Variants in TTC1 observed in about 807,000 individuals in gnomAD.
TTC1 encodes the protein tetratricopeptide repeat domain 1, also known as tetratricopeptide repeat protein 1.
TTC1 carries 31 observed loss-of-function variants against 37.6 expected under a neutral mutation model. The ratio of observed to expected loss-of-function variants is 0.82; its 90% CI spans 0.62 to 1.11. The LOEUF is 1.11. TTC1 is among the 50% of genes most tolerant of loss of function. The pLI is 0.00. For missense variants in TTC1, 351 were observed against 339.0 expected (o/e 1.04, Z -0.28); for synonymous variants, 127 against 122.4 (o/e 1.04, Z -0.25).
chr5:160,045,524 T>TA (rs1561634990), intron 5 of TTC1, among the ~76,000 whole-genome samples: 3 of 106,480 alleles, frequency 2.8e-5, no homozygotes, highest in Admixed American at 1.1e-4. Context: ...ATACACACTC[T>TA]CTCTCTCTCT....
chr5:160,060,559 T>TTAC (rs1176871503), intron 7 of TTC1, among the ~76,000 whole-genome samples: 12 of 152,182 alleles, frequency 7.9e-5, no homozygotes, highest in African/African-American at 2.9e-4. Context: ...ACCTCATTGA[T>TTAC]TACTGTCCAG....
chr5:160,065,147 T>C lies in TTC1; in HGVS notation c.*82T>C. ...CTAGGGGAAAGGCCCTGCCAATGTT[T>C]AACTTTTAAAAGCATCTTATCTAAA... On this transcript the variant is annotated 3_prime_UTR_variant, in exon 8 of 8. Transcript: ENST00000231238. 6.4e-7 allele frequency: 1 copy of C among 1,552,128 alleles called. No individual in the cohort carries two copies.
intron 7 of TTC1, among the ~76,000 whole-genome samples, chr5:160,051,682 T>C (rs1214209993): frequency 6.6e-6 from 1 of 152,096 alleles, no homozygotes; most frequent in Non-Finnish European, 1.5e-5. Context: ...GGGGTAGGGG[T>C]AGGGCAAATG....
intron 2 of TTC1, among the ~76,000 whole-genome samples, chr5:160,025,917 A>G (rs1176206342): frequency 6.6e-6 from 1 of 152,204 alleles, no homozygotes; most frequent in Admixed American, 6.5e-5. Context: ...GAAATGTTAG[A>G]TCTGTCCTAG....
At chr5:160,061,728 T>C (rs937946985) in intron 7 of TTC1, 1 of 152,062 alleles carries the variant, frequency 6.6e-6, no homozygotes, top group Non-Finnish European at 1.5e-5. Flanking sequence ...GCAGAGATAC[T>C]GGAATTGAAG....
At chr5:160,019,978 G>T (rs1756677041) in intron 2 of TTC1, among the ~76,000 whole-genome samples, 1 of 151,866 alleles carries the variant, frequency 6.6e-6, no homozygotes, top group Non-Finnish European at 1.5e-5. Context: ...GCCCAGACTG[G>T]AGTACAGTGG....
intron 5 of TTC1, among the ~76,000 whole-genome samples, chr5:160,047,147 G>A (rs1757273929): frequency 6.6e-6 from 1 of 152,146 alleles, no homozygotes; most frequent in Non-Finnish European, 1.5e-5. Flanking sequence ...CAGAGTTTCT[G>A]TCTTCAACTC....
At position 160,058,784 on chromosome 5, in the gene TTC1, T is replaced by A. The variant is rs541724978; in HGVS notation, c.746-6148T>A. ...CTTGATCTGTGGGCTGTAAAATGGA[T>A]GTTGTGTTAGGAGGTTTGAAAACAA... On this transcript the variant is annotated intron_variant, in intron 7 of 7. Transcript: ENST00000231238. Among the ~76,000 whole-genome samples the A allele has an allele frequency of 2.6e-4, 39 of 152,342 alleles. 1 individual carries two copies. The South Asian group carries it at 7.5e-3, about 29-fold the overall frequency.
At chr5:160,027,739 T>C (rs1756831401) in intron 2 of TTC1, among the ~76,000 whole-genome samples, 1 of 152,236 alleles carries the variant, frequency 6.6e-6, no homozygotes, top group South Asian at 2.1e-4. Flanking sequence ...AAATGTATAA[T>C]CTTTGTTGAA....
chr5:160,011,054 G>T (rs528733493), intron 2 of TTC1, among the ~76,000 whole-genome samples, 196 bp downstream of exon 2: 1 of 152,120 alleles, frequency 6.6e-6, no homozygotes, highest in South Asian at 2.1e-4. Context: ...GCTTAACAAA[G>T]AAATTTTCAT....
intron 2 of TTC1, among the ~76,000 whole-genome samples, chr5:160,031,112 A>G (rs1012356087): frequency 7.9e-5 from 12 of 152,212 alleles, no homozygotes; most frequent in Admixed American, 4.6e-4. Context: ...GGGATCATCA[A>G]TTCAGTCTCG....
chr5:160,034,792 T>A (rs1277565794), intron 2 of TTC1, among the ~76,000 whole-genome samples: 1 of 152,218 alleles, frequency 6.6e-6, no homozygotes, highest in African/African-American at 2.4e-5. Flanking sequence ...GAATTTACAC[T>A]GGTATGCACA....
intron 2 of TTC1, among the ~76,000 whole-genome samples, chr5:160,017,491 G>T (rs1357370766): frequency 2.0e-5 from 3 of 152,086 alleles, no homozygotes; most frequent in Admixed American, 6.5e-5. Context: ...CCAAAAGGAC[G>T]CACCTCTTAA....
rs1156276818 is a variant in TTC1, at chr5:160,035,160, TA to T, written c.352del (p.Arg118AspfsTer2). 6.2e-7 allele frequency: 1 copy of T among 1,603,956 alleles called. No homozygotes were observed. The highest frequency in any genetic ancestry group is 8.5e-7 in the Non-Finnish European group (1 of 1,176,320). On this transcript the variant is annotated frameshift_variant, in exon 3 of 8. Coordinates refer to ENST00000231238, the MANE Select transcript of TTC1 (RefSeq NM_003314.3). LOFTEE classifies it high-confidence loss of function. ...EKQKRREEST[R>X]LKEEGNEQFK... ...TTCAGAAAAGAAGAGAAGAGAGCAC[TA>T]GACTAAAGGAGGAGGGAAATGAACA...
intron 7 of TTC1, among the ~76,000 whole-genome samples, chr5:160,052,129 TC>T (rs1227014117): frequency 6.6e-6 from 1 of 152,176 alleles, no homozygotes; most frequent in African/African-American, 2.4e-5. Flanking sequence ...GACGGCTGCT[TC>T]CGATTCAGGA....
chr5:160,010,986 A>G (rs1475736861), intron 2 of TTC1, 128 bp downstream of exon 2: 3 of 872,434 alleles, frequency 3.4e-6, no homozygotes, highest in Non-Finnish European at 5.2e-6. Flanking sequence ...TTATGGCTTT[A>G]GTAGTGTTGG....
intron 2 of TTC1, among the ~76,000 whole-genome samples, chr5:160,034,923 A>C (rs564403507): frequency 6.6e-6 from 1 of 152,288 alleles, no homozygotes; most frequent in South Asian, 2.1e-4. Context: ...GAAGACCTAC[A>C]TTTTTTGTTT....
intron 4 of TTC1, among the ~76,000 whole-genome samples, chr5:160,041,055 C>T (rs911760209): frequency 3.9e-5 from 6 of 151,946 alleles, no homozygotes; most frequent in African/African-American, 1.4e-4. Flanking sequence ...TGTCTTCCAG[C>T]TCCACATCTA....
intron 5 of TTC1, among the ~76,000 whole-genome samples, chr5:160,045,554 C>CTCTCTCTCTCTCTCTCT (rs1310066249): frequency 8.6e-6 from 1 of 115,974 alleles, no homozygotes; most frequent in African/African-American, 3.2e-5. Context: ...TCTCTCTCTC[C>CTCTCTCTCTCTCTCTCT]CCCTCCCCTC....
Sources: allele counts gnomAD v4.1 joint callset (sites outside exome capture counted in the v4.1 genomes callset), GRCh38; gene constraint gnomAD v4.1.1; transcripts MANE v1.5; gene names NCBI Gene and HGNC (gene_info 2026-07-23, HGNC 2026-07-21).